WAS: variants seen among roughly 807,000 people sequenced by gnomAD.
WAS encodes the protein WASP actin nucleation promoting factor, also known as actin nucleation-promoting factor WAS.
In WAS, 1 loss-of-function variant was observed where a neutral mutation model predicts 38.9. The observed-to-expected ratio is 0.03, with a 90% CI of 0.01 to 0.12. The LOEUF is 0.12. Among genes scored for constraint, WAS ranks in the 10% least tolerant of loss-of-function variants. WAS has a pLI of 1.00. For synonymous variants in WAS, 182 were observed against 173.6 expected, an observed-to-expected ratio of 1.05 and a Z score of -0.38; for missense variants, 311 against 431.2, an observed-to-expected ratio of 0.72 and a Z score of 2.47.
Position 48,683,809 on chromosome X carries a change from C to T in WAS, c.-45C>T. The T allele has an allele frequency of 1.7e-6, 2 of 1,204,813 alleles. No homozygotes were observed. Among genetic ancestry groups the T allele is most frequent in the Non-Finnish European group, 2.2e-6 (2 of 891,373 alleles). On this transcript the variant is annotated 5_prime_UTR_variant, in exon 1 of 12. Coordinates refer to ENST00000376701, the MANE Select transcript of WAS (RefSeq NM_000377.3). ...TCATTGCGGAAGTTCCTCTTCTTAC[C>T]CTGCACCCAGAGCCTCGCCAGAGAA...
upstream of WAS, among the ~76,000 whole-genome samples, chrX:48,682,509 G>A (rs1316683463): frequency 3.6e-5 from 4 of 112,338 alleles, no homozygotes; most frequent in African/African-American, 1.3e-4. Flanking sequence ...GCAAGCCTTT[G>A]AAGATTATGT....
chrX:48,688,366 A>G lies in WAS; in HGVS notation c.844A>G (p.Thr282Ala), dbSNP rs1557007029. 25 of 1,207,888 alleles carry G rather than the reference A, an allele frequency of 2.1e-5. No homozygotes were observed. Among genetic ancestry groups the G allele is most frequent in the Non-Finnish European group, 2.8e-5 (25 of 894,277 alleles). Residue 282 changes from threonine to alanine, a missense_variant, in exon 9 of 12, where the codon ACC becomes GCC. By Grantham distance (58) the Thr-to-Ala change is moderately conservative (BLOSUM62 0). This residue lies in a region of WAS where 74 missense variants were observed against 131.2 expected (regional missense o/e 0.56). Coordinates refer to ENST00000376701, the MANE Select transcript of WAS (RefSeq NM_000377.3). Reference sequence around the variant, plus strand: ...GGCAGGAATCAGCGAGGCCCAGCTCACCGACGCCGAGACCTCTAAACTTAT... The same window carrying G: ...GGCAGGAATCAGCGAGGCCCAGCTCGCCGACGCCGAGACCTCTAAACTTAT... ...SRAGISEAQL[T>A]DAETSKLIYD...
Position 48,684,349 on chromosome X carries a change from G to A in WAS, c.199G>A (p.Glu67Lys), listed in dbSNP as rs1557006329. ...LPPGAEHWTKEHCGAVCFVKD... is the reference protein window; with the variant it reads ...LPPGAEHWTKKHCGAVCFVKD... Reference sequence around the variant, plus strand: ...CCCTGGAGCTGAGCACTGGACCAAGGAGCATTGTGGGGCTGTGTGCTTCGT... The same window carrying A: ...CCCTGGAGCTGAGCACTGGACCAAGAAGCATTGTGGGGCTGTGTGCTTCGT... Residue 67 changes from glutamate to lysine, a missense_variant, in exon 2 of 12, where the codon GAG becomes AAG. This residue lies in a region of WAS where 64 missense variants were observed against 122.5 expected (regional missense o/e 0.52). Coordinates refer to ENST00000376701, the MANE Select transcript of WAS (RefSeq NM_000377.3). 8.3e-7 allele frequency: 1 copy of A among 1,211,815 alleles called. No homozygotes were observed. The highest frequency in any genetic ancestry group is 2.2e-5 in the Admixed American group (1 of 46,003).
intron 7 of WAS, among the ~76,000 whole-genome samples, chrX:48,687,627 G>C (rs1373310826): frequency 1.8e-5 from 2 of 110,908 alleles, no homozygotes; most frequent in Admixed American, 9.5e-5. Flanking sequence ...GTGTGTGGTT[G>C]CATGGGTAGA....
chrX:48,680,342 G>GAT (rs1557005648), upstream of WAS, among the ~76,000 whole-genome samples: 1 of 111,158 alleles, frequency 9.0e-6, no homozygotes, highest in African/African-American at 3.3e-5. Flanking sequence ...GTTTGAACCA[G>GAT]AGTGATTCTA....
At chrX:48,679,157 A>AC (rs781938211), upstream of WAS, among the ~76,000 whole-genome samples, 19 of 109,505 alleles carry the variant, frequency 1.7e-4, no homozygotes, top group East Asian at 1.7e-3. Flanking sequence ...AGCCTCCCCG[A>AC]CTACAGGCAT....
upstream of WAS, chrX:48,683,674 C>T (rs2062409293): frequency 4.8e-6 from 3 of 625,895 alleles, no homozygotes; most frequent in Middle Eastern, 3.7e-4. Flanking sequence ...AATCTGATGG[C>T]GGAGGGCCCA....
At chrX:48,682,381 A>C (rs2062403240), upstream of WAS, among the ~76,000 whole-genome samples, 1 of 112,076 alleles carries the variant, frequency 8.9e-6, no homozygotes, top group Non-Finnish European at 1.9e-5. Flanking sequence ...GAGACCATGC[A>C]CTCACACCTG....
At chrX:48,679,733 G>A (rs1486649104), upstream of WAS, among the ~76,000 whole-genome samples, 2 of 112,316 alleles carry the variant, frequency 1.8e-5, no homozygotes, top group Non-Finnish European at 3.8e-5. Flanking sequence ...GTATTGAGCC[G>A]TGATTGCACC....
At chrX:48,678,655 T>C (rs1303646837) in intron 1 of WAS, among the ~76,000 whole-genome samples, 2 of 111,017 alleles carry the variant, frequency 1.8e-5, no homozygotes, top group Non-Finnish European at 3.8e-5. Context: ...ACTCTCCTGC[T>C]GAGAGCAACC....
At position 48,688,912 on chromosome X, in the gene WAS, C is replaced by T; in HGVS notation, c.1184C>T (p.Pro395Leu). 8.7e-7 allele frequency: 1 copy of T among 1,151,574 alleles called. No individual in the cohort carries two copies. Among genetic ancestry groups the T allele is most frequent in the African/African-American group, 1.8e-5 (1 of 55,886 alleles). The allele number at this position is 1,151,574 out of a possible 1,213,427, so 94.9% of individuals were successfully genotyped here. The change falls in exon 10 of 12, where the codon CCA (proline) becomes CTA (leucine). Residue 395 changes from proline to leucine, a missense_variant. This residue lies in a region of WAS where 142 missense variants were observed against 157.6 expected (regional missense o/e 0.90). Transcript: ENST00000376701. ...PPGAGGPPMP[P>L]PPPPPPPPPS... is the part of the protein sequence containing the mutation. ...GGAGCTGGTGGGCCACCCATGCCAC[C>T]ACCACCGCCACCACCGCCACCGCCG...
intron 3 of WAS, 35 bp from the exon 4 acceptor site, chrX:48,685,699 G>C: frequency 8.5e-7 from 1 of 1,170,467 alleles, no homozygotes; most frequent in Non-Finnish European, 1.1e-6. Flanking sequence ...AGTTGCGGGG[G>C]ACCTGGGAGG....
upstream of WAS, among the ~76,000 whole-genome samples, chrX:48,681,688 T>G (rs782041956): frequency 8.9e-6 from 1 of 112,563 alleles, no homozygotes; most frequent in East Asian, 2.8e-4. Context: ...ACACGTGCAA[T>G]GGCCTTGAAG....
intron 1 of WAS, 96 bp downstream of exon 1, chrX:48,684,081 C>T: frequency 8.9e-7 from 1 of 1,125,989 alleles, no homozygotes; most frequent in Non-Finnish European, 1.2e-6. Flanking sequence ...TCCTCCTTTC[C>T]CTCTCCATCA....
At chrX:48,682,412 G>C (rs55789731), upstream of WAS, among the ~76,000 whole-genome samples, 3 of 111,913 alleles carry the variant, frequency 2.7e-5, no homozygotes, top group Non-Finnish European at 3.8e-5. Flanking sequence ...CTCGCACTCC[G>C]GGCAAAGGGG....
At position 48,684,356 on chromosome X, in the gene WAS, G is replaced by C. The variant is rs374283590; in HGVS notation, c.206G>C (p.Cys69Ser). The change falls in exon 2 of 12, where the codon TGT becomes TCT. Residue 69 changes from cysteine (C) to serine (S), a missense_variant. Cys to Ser is a moderately radical substitution (Grantham distance 112). Coordinates refer to ENST00000376701, the MANE Select transcript of WAS (RefSeq NM_000377.3). ...PGAEHWTKEH[C>S]GAVCFVKDNP... ...GCTGAGCACTGGACCAAGGAGCATT[G>C]TGGGGCTGTGTGCTTCGTGAAGGAT... is the stretch of plus-strand genomic sequence containing the variant. The C allele has an allele frequency of 1.6e-5, 19 of 1,209,858 alleles. No homozygotes were observed. The African/African-American group carries it at 3.2e-4, about 20-fold the overall frequency.
intron 7 of WAS, among the ~76,000 whole-genome samples, chrX:48,687,742 CAT>C (rs1451523122): frequency 9.0e-6 from 1 of 111,188 alleles, no homozygotes; most frequent in Non-Finnish European, 1.9e-5. Flanking sequence ...GGTGAACAGA[CAT>C]ATGTGGGCAG....
At chrX:48,680,827 A>G (rs1339892251), upstream of WAS, among the ~76,000 whole-genome samples, 1 of 112,180 alleles carries the variant, frequency 8.9e-6, no homozygotes, top group African/African-American at 3.2e-5. Flanking sequence ...TGGAGTAGCC[A>G]TTCTTTATTC....
intron 11 of WAS, 79 bp downstream of exon 11, chrX:48,689,513 C>A: frequency 1.2e-6 from 1 of 818,125 alleles, no homozygotes; most frequent in Non-Finnish European, 1.8e-6. Flanking sequence ...CAGTCACCAC[C>A]AATAGTGACA....
Sources: allele counts gnomAD v4.1 joint callset (sites outside exome capture counted in the v4.1 genomes callset), GRCh38; gene constraint gnomAD v4.1.1; regional missense constraint gnomAD v4.1.1; transcripts MANE v1.5; gene names NCBI Gene and HGNC (gene_info 2026-07-23, HGNC 2026-07-21).